The following ZNF814 variants were observed in gnomAD, a reference collection of about 807,000 sequenced individuals.
ZNF814 encodes the protein zinc finger protein 814.
ZNF814 carries 5 observed loss-of-function variants against 7.5 expected under a neutral mutation model. The observed-to-expected ratio is 0.67, with a 90% CI of 0.35 to 1.40. The LOEUF (loss-of-function observed/expected upper bound fraction) is 1.40. Among genes scored for constraint, ZNF814 ranks in the 40% most tolerant of loss-of-function variants. The pLI, the probability that ZNF814 is intolerant of heterozygous loss-of-function variation, is 0.04. For missense variants in ZNF814, 962 were observed against 1,018.0 expected (o/e 0.94, Z 0.75); for synonymous variants, 315 against 340.7 (o/e 0.92, Z 0.83).
chr19:57,893,255 C>T (rs1194813906), upstream of ZNF814, among the ~76,000 whole-genome samples: 1 of 149,722 alleles, frequency 6.7e-6, no homozygotes, highest in Non-Finnish European at 1.5e-5. Context: ...CTCACTGCAA[C>T]CTCCGCCTCC....
the ZNF814 span, among the ~76,000 whole-genome samples, chr19:57,899,277 A>C: frequency 6.6e-6 from 1 of 152,216 alleles, no homozygotes; most frequent in Non-Finnish European, 1.5e-5. Context: ...CAATTTAAAA[A>C]ATGTTATATT....
At chr19:57,890,751 A>C (rs2071730545), upstream of ZNF814, among the ~76,000 whole-genome samples, 1 of 152,134 alleles carries the variant, frequency 6.6e-6, no homozygotes, top group Non-Finnish European at 1.5e-5. Context: ...CCCTGGCTGC[A>C]TGACTCCTAA....
In ZNF814 at chr19:57,875,077, A is replaced by G. The variant is rs2071594942; in HGVS notation, c.313T>C (p.Leu105=). 2 of 1,584,394 alleles carry G rather than the reference A, an allele frequency of 1.3e-6. No individual in the cohort carries two copies. The highest frequency in any genetic ancestry group is 1.8e-5 in the Admixed American group (1 of 56,936). Residue 105 remains leucine (L), a synonymous_variant, in exon 3 of 3, where the codon TTG becomes CTG. Transcript: ENST00000435989. ...GTTCCCTGATGATCTGCCACATGCAAAATGTCTCCCAAGATCGGGCCACAC... is the reference window on the plus strand; with the variant it reads ...GTTCCCTGATGATCTGCCACATGCAGAATGTCTCCCAAGATCGGGCCACAC... ...EMCGPILGDI[L]HVADHQGTHH...
At chr19:57,903,918 A>G in the ZNF814 span, among the ~76,000 whole-genome samples, 1 of 152,196 alleles carries the variant, frequency 6.6e-6, no homozygotes, top group Non-Finnish European at 1.5e-5. Context: ...GTCTTGGAAC[A>G]TGTCCTGGGT....
the ZNF814 span, among the ~76,000 whole-genome samples, chr19:57,904,769 C>T: frequency 1.4e-4 from 21 of 151,730 alleles, 1 homozygote; most frequent in South Asian, 2.3e-3. Flanking sequence ...GCCCAGGCAT[C>T]GCCGGGAGTG....
rs1475282727 is a variant in ZNF814 at position 57,871,791 on chromosome 19, C to T, written c.*1031G>A. The T allele has an allele frequency of 7.2e-6, 1 of 138,464 alleles. No homozygotes were observed. The highest frequency in any genetic ancestry group is 2.8e-5 in the African/African-American group (1 of 35,998). 8.6% of individuals were successfully genotyped at this position (138,464 alleles called of 1,614,324 possible). A position where few individuals can be genotyped will look rare whatever the true frequency, so the allele number is the denominator to read the frequency against. ...CTACTCAACAAATCCTTCTGTGACT[C>T]GATCAGAAATTAAAAGTTAAAAAAA... On this transcript the variant is annotated 3_prime_UTR_variant, in exon 3 of 3. Transcript: ENST00000435989.
At chr19:57,900,575 A>G in the ZNF814 span, 1 of 152,194 alleles carries the variant, frequency 6.6e-6, no homozygotes, top group Admixed American at 6.5e-5. Context: ...TGCATCTGCC[A>G]CATCAGGGAG....
At chr19:57,877,512 G>A (rs547068063) in intron 1 of ZNF814, among the ~76,000 whole-genome samples, 6 of 151,954 alleles carry the variant, frequency 3.9e-5, no homozygotes, top group African/African-American at 7.3e-5. Context: ...GCATGATCTC[G>A]GCTCACTGCA....
intron 1 of ZNF814, among the ~76,000 whole-genome samples, chr19:57,877,332 T>C (rs1475085277): frequency 2.0e-5 from 3 of 152,170 alleles, no homozygotes; most frequent in Non-Finnish European, 2.9e-5. Context: ...AGATACCCTC[T>C]CTGAACACAC....
Position 57,873,701 on chromosome 19 carries a change from G to T in ZNF814, c.1689C>A (p.Leu563=). Residue 563 remains leucine (L), a synonymous_variant, in exon 3 of 3, where the codon CTC becomes CTA. Coordinates refer to ENST00000435989, the MANE Select transcript of ZNF814 (RefSeq NM_001144989.2). ...TAGGGTGAACTCGCTGATGTAGAAT[G>T]AGGGTGCCTTTATGACTAAAAGATT... The part of the protein sequence containing the change: ...CGKSFSHKGT[L]ILHQRVHPRE... The T allele has an allele frequency of 6.2e-7, 1 of 1,613,010 alleles. No individual in the cohort carries two copies. The highest frequency in any genetic ancestry group is 8.5e-7 in the Non-Finnish European group (1 of 1,179,718).
At position 57,872,711 on chromosome 19, in the gene ZNF814, G is replaced by T. The variant is rs983138212; in HGVS notation, c.*111C>A. The T allele has an allele frequency of 2.0e-5, 32 of 1,605,822 alleles. No individual in the cohort carries two copies. In the African/African-American group the frequency reaches 4.0e-4, roughly 20 times the overall value. ...ATGAACACAGAATGCAGAGCTGTGG[G>T]TAGATGACTTCCCACAATCACTGCA... On this transcript the variant is annotated 3_prime_UTR_variant, in exon 3 of 3. Coordinates refer to ENST00000435989, the MANE Select transcript of ZNF814 (RefSeq NM_001144989.2).
chr19:57,876,930 A>G lies in ZNF814; in HGVS notation c.149T>C (p.Leu50Pro). The G allele has an allele frequency of 6.2e-7, 1 of 1,614,142 alleles. No individual in the cohort carries two copies. The highest frequency in any genetic ancestry group is 8.5e-7 in the Non-Finnish European group (1 of 1,180,002). The change falls in exon 2 of 3, where the codon CTT becomes CCT. Residue 50 changes from leucine to proline, a missense_variant. Physicochemically the swap from Leu to Pro is moderately conservative, Grantham distance 98 (BLOSUM62 -3). Around this residue, in one of 7 missense-constraint regions of ZNF814, gnomAD observed 63 missense variants for 65.0 expected, o/e 0.97. Coordinates refer to ENST00000435989, the MANE Select transcript of ZNF814 (RefSeq NM_001144989.2). ...GAGCAACTTACCCAGGGAGGATATA[A>G]GTGCCAGGTTCTCCAGCGTCACATC... ...YRDVTLENLA[L>P]ISSLGCWCGV...
Position 57,873,511 on chromosome 19 carries a change from T to C in ZNF814, c.1879A>G (p.Thr627Ala). Residue 627 changes from threonine (T) to alanine (A), a missense_variant, in exon 3 of 3, where the codon ACT becomes GCT. Physicochemically the swap from Thr to Ala is moderately conservative, Grantham distance 58. Coordinates refer to ENST00000435989, the MANE Select transcript of ZNF814 (RefSeq NM_001144989.2). ...RSLVHHQRMH[T>A]GERPYKCGDC... ...CCACACTTGTAAGGTCTTTCTCCAG[T>C]GTGCATGCGCTGATGGTGAACAAGG... The C allele has an allele frequency of 3.1e-6, 5 of 1,614,184 alleles. No individual in the cohort carries two copies.
At chr19:57,889,819 T>C (rs1716774982), upstream of ZNF814, among the ~76,000 whole-genome samples, 1 of 152,038 alleles carries the variant, frequency 6.6e-6, no homozygotes, top group Non-Finnish European at 1.5e-5. Flanking sequence ...AGTGAGATCC[T>C]GCCACTGCAC....
At position 57,888,964 on chromosome 19, in the gene ZNF814, T is replaced by G. The variant is rs1421307720; in HGVS notation, c.-162A>C. On this transcript the variant is annotated 5_prime_UTR_variant, in exon 1 of 3. Transcript: ENST00000435989. ...CGGAGGACAACTGCTCCCCGACTTC[T>G]GGGTTCAGTCACCACAGTGCGGACC... 2.7e-6 allele frequency: 2 copies of G among 731,752 alleles called. No homozygotes were observed. The highest frequency in any genetic ancestry group is 2.7e-5 in the Admixed American group (1 of 37,094). 45.3% of individuals were successfully genotyped at this position (731,752 alleles called of 1,614,324 possible).
At chr19:57,887,633 C>T (rs1363929438) in intron 1 of ZNF814, among the ~76,000 whole-genome samples, 2 of 152,202 alleles carry the variant, frequency 1.3e-5, no homozygotes, top group Non-Finnish European at 2.9e-5. Context: ...AGACGAGCTC[C>T]ACCTGGCCCC....
Position 57,872,583 on chromosome 19 carries a change from T to G in ZNF814, c.*239A>C, listed in dbSNP as rs1480026762. The G allele has an allele frequency of 9.2e-6, 10 of 1,083,868 alleles. No homozygotes were observed. Among genetic ancestry groups the G allele is most frequent in the African/African-American group, 1.6e-5 (1 of 63,526 alleles). The allele number at this position is 1,083,868 out of a possible 1,614,324, so 67.1% of individuals were successfully genotyped here. ...ATTTGCTGCAATCACAAGACCTTAC[T>G]CCAGTGTGAACTCTCCTGTGTTTAA... On this transcript the variant is annotated 3_prime_UTR_variant, in exon 3 of 3. Coordinates refer to ENST00000435989, the MANE Select transcript of ZNF814 (RefSeq NM_001144989.2).
chr19:57,884,531 T>C (rs764816786), intron 1 of ZNF814, among the ~76,000 whole-genome samples: 3 of 152,164 alleles, frequency 2.0e-5, no homozygotes, highest in East Asian at 1.9e-4. Context: ...GGTAGCAGGA[T>C]AGCCTGAGCC....
rs2071584415 is a variant in ZNF814 at position 57,874,230 on chromosome 19, T to A, written c.1160A>T (p.Lys387Ile). 1 of 1,580,104 alleles carries A rather than the reference T, an allele frequency of 6.3e-7. No homozygotes were observed. The highest frequency in any genetic ancestry group is 8.6e-7 in the Non-Finnish European group (1 of 1,162,880). Residue 387 changes from lysine to isoleucine, a missense_variant, in exon 3 of 3, where the codon AAA (lysine) becomes ATA (isoleucine). Lys to Ile is a moderately radical substitution (Grantham distance 102). Coordinates refer to ENST00000435989, the MANE Select transcript of ZNF814 (RefSeq NM_001144989.2). ...GAAGCTAGCATATTTGCTAAACGAT[T>A]TCCCACATTCTCCACATTCATAAGG... ...KRPYECGECG[K>I]SFSKYASFSN...
Sources: allele counts gnomAD v4.1 joint callset (sites outside exome capture counted in the v4.1 genomes callset), GRCh38; gene constraint gnomAD v4.1.1; regional missense constraint gnomAD v4.1.1; transcripts MANE v1.5; gene names NCBI Gene and HGNC (gene_info 2026-07-23, HGNC 2026-07-21).